Variants in FAM163A observed in about 807,000 individuals in gnomAD.
FAM163A encodes protein FAM163A.
A neutral mutation model predicts 12.0 loss-of-function variants in FAM163A; 7 were observed. The observed-to-expected ratio is 0.58, with a 90% CI of 0.33 to 1.10. FAM163A has a LOEUF of 1.10. Among genes scored for constraint, FAM163A ranks in the 50% least tolerant of loss-of-function variants. The pLI, the probability that FAM163A is intolerant of heterozygous loss-of-function variation, is 0.03. For synonymous variants in FAM163A, 101 were observed against 91.0 expected, an observed-to-expected ratio of 1.11 and a Z score of -0.62; for missense variants, 202 against 218.6, an observed-to-expected ratio of 0.92 and a Z score of 0.48.
At chr1:179,782,190 G>T (rs1018804464) in intron 1 of FAM163A, among the ~76,000 whole-genome samples, 1 of 152,108 alleles carries the variant, frequency 6.6e-6, no homozygotes. Context: ...TGTGCGCATG[G>T]ATATAATCAG....
intron 1 of FAM163A, among the ~76,000 whole-genome samples, chr1:179,769,900 C>CTTTTTTTTTTTTTTTTTTTTTT (rs1196869449): frequency 1.0e-5 from 1 of 97,130 alleles, no homozygotes; most frequent in Non-Finnish European, 1.9e-5. Flanking sequence ...ATCCCTAATT[C>CTTTTTTTTTTTTTTTTTTTTTT]TTTTTTTTTT....
intron 1 of FAM163A, among the ~76,000 whole-genome samples, chr1:179,789,371 G>A (rs970159295): frequency 3.9e-5 from 6 of 152,152 alleles, no homozygotes; most frequent in Non-Finnish European, 8.8e-5. Context: ...TAGTAGAGAT[G>A]GGGTTTCACC....
intron 2 of FAM163A, among the ~76,000 whole-genome samples, chr1:179,809,459 G>T (rs1405866081): frequency 6.6e-6 from 1 of 152,162 alleles, no homozygotes; most frequent in South Asian, 2.1e-4. Context: ...GAGAAAGAAG[G>T]TCATTTTCCA....
intron 1 of FAM163A, among the ~76,000 whole-genome samples, chr1:179,791,142 T>A (rs1394281502): frequency 6.6e-6 from 1 of 152,036 alleles, no homozygotes; most frequent in Non-Finnish European, 1.5e-5. Flanking sequence ...TAATATATTA[T>A]CTCAAGATAA....
In FAM163A at chr1:179,815,799, G is replaced by A. The variant is rs1695268446; in HGVS notation, c.*1610G>A. ...TTGAGGAAGGTCAGGGTGCCGCTGG[G>A]GGAGCAGGGAGCGGGGAGGGAGGAA... On this transcript the variant is annotated 3_prime_UTR_variant, in exon 5 of 5. Coordinates refer to ENST00000341785, the MANE Select transcript of FAM163A (RefSeq NM_173509.3). 1 of 152,316 alleles carries A rather than the reference G, an allele frequency of 6.6e-6. No individual in the cohort carries two copies. The highest frequency in any genetic ancestry group is 1.5e-5 in the Non-Finnish European group (1 of 68,078). 9.4% of individuals were successfully genotyped at this position (152,316 alleles called of 1,614,324 possible).
chr1:179,789,832 A>G lies in FAM163A; in HGVS notation c.-135-17966A>G, dbSNP rs16854714. Among the ~76,000 whole-genome samples the G allele has an allele frequency of 6.9e-3, 1,056 of 152,354 alleles. 11 individuals carry two copies. The highest frequency in any genetic ancestry group is 0.024 in the African/African-American group (1,008 of 41,580). Reference sequence around the variant, plus strand: ...TGGTACAAACTGAATTTGGAACCCAAGATATTTACCAAAATCCACAAATAA... The same window carrying G: ...TGGTACAAACTGAATTTGGAACCCAGGATATTTACCAAAATCCACAAATAA... On this transcript the variant is annotated intron_variant, in intron 1 of 4. Coordinates refer to ENST00000341785, the MANE Select transcript of FAM163A (RefSeq NM_173509.3).
chr1:179,811,678 G>A (rs749877716), intron 2 of FAM163A, among the ~76,000 whole-genome samples: 2 of 152,166 alleles, frequency 1.3e-5, no homozygotes, highest in Admixed American at 6.5e-5. Flanking sequence ...AGAGATAAAG[G>A]CACCCCCTTT....
At chr1:179,801,285 C>A (rs75922803) in intron 1 of FAM163A, among the ~76,000 whole-genome samples, 140 of 152,198 alleles carry the variant, frequency 9.2e-4, no homozygotes, top group Middle Eastern at 3.4e-3. Context: ...CCCAGTGGAA[C>A]CCCTGAGCCT....
the FAM163A span, among the ~76,000 whole-genome samples, chr1:179,728,458 A>G: frequency 1.6e-3 from 246 of 152,320 alleles, no homozygotes; most frequent in Non-Finnish European, 3.0e-3. Flanking sequence ...GGGTGCTGCC[A>G]GGCACATAAC....
At chr1:179,777,829 G>A (rs1326448586) in intron 1 of FAM163A, among the ~76,000 whole-genome samples, 1 of 152,176 alleles carries the variant, frequency 6.6e-6, no homozygotes, top group Non-Finnish European at 1.5e-5. Context: ...TTAACTGACT[G>A]TATTTCTCTT....
At chr1:179,787,878 C>A (rs984942296) in intron 1 of FAM163A, among the ~76,000 whole-genome samples, 2 of 152,150 alleles carry the variant, frequency 1.3e-5, no homozygotes, top group African/African-American at 4.8e-5. Flanking sequence ...ACATTTAACC[C>A]CCCAGCCTCC....
At chr1:179,756,834 T>C (rs998772648) in intron 1 of FAM163A, among the ~76,000 whole-genome samples, 3 of 152,016 alleles carry the variant, frequency 2.0e-5, no homozygotes, top group Non-Finnish European at 1.5e-5. Flanking sequence ...GGAGAAAAGT[T>C]AGGGATAACA....
At chr1:179,757,818 A>ACAAAG (rs1242288301) in intron 1 of FAM163A, among the ~76,000 whole-genome samples, 5 of 151,936 alleles carry the variant, frequency 3.3e-5, no homozygotes, top group Admixed American at 6.5e-5. Context: ...TCAAAACAAA[A>ACAAAG]CAAAACAAAA....
chr1:179,780,114 A>G (rs1055994146), intron 1 of FAM163A, among the ~76,000 whole-genome samples: 3 of 152,224 alleles, frequency 2.0e-5, no homozygotes, highest in African/African-American at 7.2e-5. Context: ...TGTGAATACT[A>G]TGACACATAT....
At chr1:179,756,424 G>C (rs1401922588) in intron 1 of FAM163A, among the ~76,000 whole-genome samples, 1 of 152,170 alleles carries the variant, frequency 6.6e-6, no homozygotes, top group Non-Finnish European at 1.5e-5. Context: ...GACATGTCTA[G>C]GACTTGTAAC....
intron 1 of FAM163A, among the ~76,000 whole-genome samples, chr1:179,800,706 C>T (rs578153955): frequency 1.3e-4 from 20 of 152,262 alleles, no homozygotes; most frequent in Middle Eastern, 6.8e-3. Context: ...TTTTCCTTAG[C>T]GCTCAGTAAG....
intron 1 of FAM163A, among the ~76,000 whole-genome samples, chr1:179,777,831 A>G (rs1243402670): frequency 1.3e-5 from 2 of 152,174 alleles, no homozygotes; most frequent in African/African-American, 4.8e-5. Context: ...AACTGACTGT[A>G]TTTCTCTTTT....
At chr1:179,809,782 A>G (rs943057846) in intron 2 of FAM163A, among the ~76,000 whole-genome samples, 1 of 152,184 alleles carries the variant, frequency 6.6e-6, no homozygotes, top group African/African-American at 2.4e-5. Flanking sequence ...GTCCATAAGC[A>G]GCCCTCAGCG....
At chr1:179,782,457 G>A (rs902802762) in intron 1 of FAM163A, among the ~76,000 whole-genome samples, 2 of 151,956 alleles carry the variant, frequency 1.3e-5, no homozygotes, top group African/African-American at 2.4e-5. Flanking sequence ...TTCTCATTTG[G>A]CGGGCGGGAA....
Sources: gnomAD v4.1 joint callset for allele counts (sites outside exome capture counted in the v4.1 genomes callset) on GRCh38, gnomAD v4.1.1 for gene constraint, MANE v1.5 for transcripts, NCBI Gene and HGNC (gene_info 2026-07-23, HGNC 2026-07-21) for gene names.